The following ULK2 variants were observed in gnomAD, a reference collection of about 807,000 sequenced individuals.
ULK2 encodes the protein unc-51 like autophagy activating kinase 2.
A neutral mutation model predicts 127.5 loss-of-function variants in ULK2; 76 were observed. The observed-to-expected ratio is 0.60, with a 90% confidence interval of 0.50 to 0.72. ULK2 has a LOEUF of 0.72. Among genes scored for constraint, ULK2 ranks in the 30% least tolerant of loss-of-function variants. The pLI, the probability that ULK2 is intolerant of heterozygous loss-of-function variation, is 0.00. For synonymous variants in ULK2, 452 were observed against 461.9 expected, an observed-to-expected ratio of 0.98 and a Z score of 0.28; for missense variants, 1,144 against 1,295.9, an observed-to-expected ratio of 0.88 and a Z score of 1.80.
intron 9 of ULK2, among the ~76,000 whole-genome samples, chr17:19,841,073 G>A (rs563297274): frequency 6.6e-6 from 1 of 151,682 alleles, no homozygotes; most frequent in Non-Finnish European, 1.5e-5. Context: ...ATACAAGTTC[G>A]AGAGGAAAAA....
At chr17:19,844,023 G>A (rs1157773060) in intron 7 of ULK2, among the ~76,000 whole-genome samples, 1 of 152,100 alleles carries the variant, frequency 6.6e-6, no homozygotes, top group East Asian at 1.9e-4. Flanking sequence ...GTGAAATACG[G>A]ATGGTGGGTA....
In ULK2 at chr17:19,864,820, C is replaced by T. The variant is rs898595339; in HGVS notation, c.208G>A (p.Ala70Thr). 2.3e-6 allele frequency: 3 copies of T among 1,323,634 alleles called. No individual in the cohort carries two copies. The highest frequency in any genetic ancestry group is 3.0e-5 in the African/African-American group (2 of 67,520). The allele number at this position is 1,323,634 out of a possible 1,614,324, so 82.0% of individuals were successfully genotyped here. A position where few individuals can be genotyped will look rare whatever the true frequency, so the allele number is the denominator to read the frequency against. The change falls in exon 3 of 27, where the codon GCA becomes ACA. Residue 70 changes from alanine (A) to threonine (T), a missense_variant. This residue lies in a region of ULK2 where 231 missense variants were observed against 325.4 expected (regional missense o/e 0.71). Coordinates refer to ENST00000395544, the MANE Select transcript of ULK2 (RefSeq NM_014683.4). ...TAAGGTACCTGAACATCATAGAGTGCTACAATATTTTCATGCTGAAGTTCC... is the reference window on the plus strand; with the variant it reads ...TAAGGTACCTGAACATCATAGAGTGTTACAATATTTTCATGCTGAAGTTCC... ...LKELQHENIV[A>T]LYDVQELPNS...
chr17:19,838,091 T>G (rs2152396029), intron 10 of ULK2, among the ~76,000 whole-genome samples: 1 of 152,274 alleles, frequency 6.6e-6, no homozygotes, highest in South Asian at 2.1e-4. Flanking sequence ...GATATCCACA[T>G]GGCTCACTCT....
At chr17:19,828,948 T>C (rs2041361688) in intron 10 of ULK2, among the ~76,000 whole-genome samples, 1 of 152,170 alleles carries the variant, frequency 6.6e-6, no homozygotes, top group Non-Finnish European at 1.5e-5. Context: ...GGCATGGTGC[T>C]GCACATCTGT....
At chr17:19,801,518 C>A (rs2152386488) in intron 16 of ULK2, among the ~76,000 whole-genome samples, 1 of 152,276 alleles carries the variant, frequency 6.6e-6, no homozygotes, top group South Asian at 2.1e-4. Flanking sequence ...GAAGCAGAGG[C>A]TGCAGTGAGC....
chr17:19,786,074 G>A lies in ULK2; in HGVS notation c.2114C>T (p.Ala705Val). 1.9e-6 allele frequency: 3 copies of A among 1,561,544 alleles called. No individual in the cohort carries two copies. The highest frequency in any genetic ancestry group is 1.2e-5 in the South Asian group (1 of 82,586). The change falls in exon 21 of 27, where the codon GCC (alanine) becomes GTC (valine). Residue 705 changes from alanine to valine, a missense_variant. By Grantham distance (64) the Ala-to-Val change is moderately conservative. Transcript: ENST00000395544. ...AGGAGGTGCCAGAACACCACCACAG[G>A]CTCCTGCCGGAGCTACAACAAAAAG... ...ERPMDIAPAG[A>V]CGGVLAPPAG...
chr17:19,773,387 T>C lies in ULK2; in HGVS notation c.*2962A>G, dbSNP rs1417351488. The C allele has an allele frequency of 6.6e-6, 1 of 152,076 alleles. No homozygotes were observed. The highest frequency in any genetic ancestry group is 1.5e-5 in the Non-Finnish European group (1 of 68,024). 9.4% of individuals were successfully genotyped at this position (152,076 alleles called of 1,614,324 possible). On this transcript the variant is annotated 3_prime_UTR_variant, in exon 27 of 27. Coordinates refer to ENST00000395544, the MANE Select transcript of ULK2 (RefSeq NM_014683.4). Reference sequence around the variant, plus strand: ...TGTGCAGACTGAGGCAATCCAGCCCTAAAAATCCTCTCCTCTCAAGCTCCT... The same window carrying C: ...TGTGCAGACTGAGGCAATCCAGCCCCAAAAATCCTCTCCTCTCAAGCTCCT...
rs759297668 is a variant in ULK2 at position 19,776,325 on chromosome 17, C to A, written c.*24G>T. ...AGGCATCACCTCACGTTCCCACCACCGGTCCACGGGATGAGCCTGCTGCTC... is the reference window on the plus strand; with the variant it reads ...AGGCATCACCTCACGTTCCCACCACAGGTCCACGGGATGAGCCTGCTGCTC... On this transcript the variant is annotated 3_prime_UTR_variant, in exon 27 of 27. Coordinates refer to ENST00000395544, the MANE Select transcript of ULK2 (RefSeq NM_014683.4). 3.8e-6 allele frequency: 6 copies of A among 1,587,686 alleles called. No individual in the cohort carries two copies. The African/African-American group carries it at 5.4e-5, about 14-fold the overall frequency.
intron 10 of ULK2, among the ~76,000 whole-genome samples, chr17:19,827,749 TA>T (rs1409498086): frequency 6.6e-6 from 1 of 152,004 alleles, no homozygotes; most frequent in East Asian, 1.9e-4. Flanking sequence ...CCGTCTCTAC[TA>T]AAAATACAAA....
intron 6 of ULK2, among the ~76,000 whole-genome samples, chr17:19,846,146 A>ATG (rs1158430028): frequency 6.6e-6 from 1 of 151,842 alleles, no homozygotes; most frequent in African/African-American, 2.4e-5. Flanking sequence ...ACAAAAAAAG[A>ATG]ATCAGAGTTA....
chr17:19,836,649 G>A (rs1365867522), intron 10 of ULK2, among the ~76,000 whole-genome samples: 2 of 152,098 alleles, frequency 1.3e-5, no homozygotes, highest in Admixed American at 6.5e-5. Context: ...GCTCATGCCT[G>A]TAATCCCAGC....
In ULK2 at chr17:19,783,793, G is replaced by T; in HGVS notation, c.2364C>A (p.Pro788=). ...CACCGTAAGGCACGTATCTCAGGCTGGGAGCTGCCTCTGCTCCTGGAGGGG... is the reference window on the plus strand; with the variant it reads ...CACCGTAAGGCACGTATCTCAGGCTTGGAGCTGCCTCTGCTCCTGGAGGGG... The part of the protein sequence containing the change: ...GSSPPGAEAA[P]SLRYVPYGAS... Residue 788 remains proline, a synonymous_variant, in exon 22 of 27, where the codon CCC becomes CCA. Coordinates refer to ENST00000395544, the MANE Select transcript of ULK2 (RefSeq NM_014683.4). The T allele has an allele frequency of 6.2e-7, 1 of 1,604,742 alleles. No homozygotes were observed. The highest frequency in any genetic ancestry group is 8.5e-7 in the Non-Finnish European group (1 of 1,175,416).
In ULK2 at chr17:19,810,315, T is replaced by A. The variant is rs549178919; in HGVS notation, c.1157+63A>T. On this transcript the variant is annotated intron_variant, in intron 14 of 26. Transcript: ENST00000395544. ...CTTAAATCAAGAACACTAAGTTCTA[T>A]AACCTTACTCACAAAAATAAAATAT... 3.8e-6 allele frequency: 4 copies of A among 1,049,964 alleles called. No individual in the cohort carries two copies. In the East Asian group the frequency reaches 1.1e-4, roughly 29 times the overall value. The allele number at this position is 1,049,964 out of a possible 1,614,324, so 65.0% of individuals were successfully genotyped here.
chr17:19,815,058 T>C (rs371885798), intron 13 of ULK2, among the ~76,000 whole-genome samples: 3 of 152,294 alleles, frequency 2.0e-5, no homozygotes, highest in African/African-American at 7.2e-5. Context: ...ATGCTGGCAC[T>C]CTAAAAGTTT....
At chr17:19,799,792 T>TAAGAACATTAGGGGAAGAAA (rs1184253840) in intron 16 of ULK2, among the ~76,000 whole-genome samples, 2 of 152,158 alleles carry the variant, frequency 1.3e-5, no homozygotes, top group African/African-American at 2.4e-5. Flanking sequence ...TGCCTTGAAA[T>TAAGAACATTAGGGGAAGAAA]AAGAACATTA....
chr17:19,824,384 T>G (rs1597771889), intron 12 of ULK2, among the ~76,000 whole-genome samples: 1 of 141,358 alleles, frequency 7.1e-6, no homozygotes, highest in Non-Finnish European at 1.5e-5. Flanking sequence ...GAGGCGGAGG[T>G]TGCAGTGAGC....
chr17:19,793,320 A>G (rs1339403417), intron 20 of ULK2, among the ~76,000 whole-genome samples: 1 of 152,230 alleles, frequency 6.6e-6, no homozygotes, highest in Non-Finnish European at 1.5e-5. Context: ...ATTACAATTC[A>G]AGATGAGATT....
At chr17:19,831,623 A>G (rs931160410) in intron 10 of ULK2, among the ~76,000 whole-genome samples, 1 of 152,144 alleles carries the variant, frequency 6.6e-6, no homozygotes, top group Non-Finnish European at 1.5e-5. Flanking sequence ...TTGGGGGTTC[A>G]AGACCAGCCT....
At chr17:19,832,423 A>C (rs917861933) in intron 10 of ULK2, among the ~76,000 whole-genome samples, 2 of 152,054 alleles carry the variant, frequency 1.3e-5, no homozygotes, top group Admixed American at 6.6e-5. Flanking sequence ...CCACACCACA[A>C]CACCAGCTAA....
Sources: allele counts gnomAD v4.1 joint callset (sites outside exome capture counted in the v4.1 genomes callset), GRCh38; gene constraint gnomAD v4.1.1; regional missense constraint gnomAD v4.1.1; transcripts MANE v1.5; gene names NCBI Gene and HGNC (gene_info 2026-07-23, HGNC 2026-07-21).